The following CDK14 variants were observed in gnomAD, a reference collection of about 807,000 sequenced individuals.
CDK14 encodes the protein cyclin-dependent kinase 14.
A neutral mutation model predicts 60.7 loss-of-function variants in CDK14; 34 were observed. The ratio of observed to expected loss-of-function variants is 0.56; its 90% CI spans 0.43 to 0.75. The LOEUF is 0.75. Ranked by LOEUF, CDK14 falls within the 30% of genes least tolerant of loss-of-function variation. The pLI is 0.00. For missense variants in CDK14, 482 were observed against 564.1 expected (o/e 0.85, Z 1.47); for synonymous variants, 197 against 203.7 (o/e 0.97, Z 0.28).
At chr7:90,868,658 A>G (rs544946437) in intron 6 of CDK14, among the ~76,000 whole-genome samples, 2 of 152,310 alleles carry the variant, frequency 1.3e-5, no homozygotes, top group Non-Finnish European at 2.9e-5. Context: ...GAAATCATAA[A>G]GCCCATAAAA....
chr7:90,758,391 A>G (rs1489116059), intron 4 of CDK14, among the ~76,000 whole-genome samples: 1 of 152,130 alleles, frequency 6.6e-6, no homozygotes, highest in Non-Finnish European at 1.5e-5. Flanking sequence ...TCTCTCTTCT[A>G]AATTCCTGTA....
At chr7:91,134,372 G>A (rs1800208221) in intron 14 of CDK14, among the ~76,000 whole-genome samples, 1 of 152,082 alleles carries the variant, frequency 6.6e-6, no homozygotes, top group African/African-American at 2.4e-5. Context: ...CTACCTGCAA[G>A]AACATGCTAC....
chr7:91,086,176 C>T (rs988185586), intron 12 of CDK14, among the ~76,000 whole-genome samples: 83 of 152,280 alleles, frequency 5.5e-4, no homozygotes, highest in African/African-American at 2.0e-3. Context: ...AGAGATCTTG[C>T]TTTTTATTTT....
intron 6 of CDK14, among the ~76,000 whole-genome samples, chr7:90,866,607 T>A (rs960908201): frequency 1.2e-4 from 18 of 152,186 alleles, no homozygotes; most frequent in African/African-American, 4.1e-4. Flanking sequence ...CCTATGTAAT[T>A]CAAGTTTTAC....
At chr7:90,980,733 A>G (rs944840401) in intron 9 of CDK14, among the ~76,000 whole-genome samples, 7 of 152,182 alleles carry the variant, frequency 4.6e-5, no homozygotes, top group African/African-American at 1.7e-4. Flanking sequence ...AGATGACGTC[A>G]TAGGAAACAT....
chr7:91,111,466 G>A (rs1055340760), intron 12 of CDK14, among the ~76,000 whole-genome samples: 42 of 152,174 alleles, frequency 2.8e-4, no homozygotes, highest in Non-Finnish European at 2.9e-4. Flanking sequence ...CCGGGTTTCA[G>A]AAACTGGAGA....
In CDK14 at chr7:91,127,319, A is replaced by G. The variant is rs538891284; in HGVS notation, c.*28+9111A>G. On this transcript the variant is annotated intron_variant, in intron 14 of 14. Transcript: ENST00000380050. ...ACTGTGGAAATGATCAGGTCATGTT[A>G]CATTAATTAAAGCTGACATACTCTC... Among the ~76,000 whole-genome samples, 8 of 152,290 alleles carry G rather than the reference A, an allele frequency of 5.3e-5. No individual in the cohort carries two copies. In the South Asian group the frequency reaches 1.0e-3, roughly 20 times the overall value.
chr7:90,678,719 C>T (rs1164102455), intron 2 of CDK14, among the ~76,000 whole-genome samples: 1 of 151,924 alleles, frequency 6.6e-6, no homozygotes, highest in Non-Finnish European at 1.5e-5. Context: ...ACCATATAAA[C>T]TCAGAAATCA....
intron 10 of CDK14, among the ~76,000 whole-genome samples, chr7:91,009,118 CT>C (rs1485368927): frequency 3.3e-5 from 5 of 152,046 alleles, no homozygotes; most frequent in Non-Finnish European, 5.9e-5. Flanking sequence ...CATAAGTTAT[CT>C]ACTTTTGATT....
At chr7:90,635,865 G>C (rs1463118097) in intron 2 of CDK14, among the ~76,000 whole-genome samples, 1 of 151,780 alleles carries the variant, frequency 6.6e-6, no homozygotes, top group Non-Finnish European at 1.5e-5. Flanking sequence ...TTGTAAGTTG[G>C]ATTCCTAGAT....
intron 5 of CDK14, among the ~76,000 whole-genome samples, chr7:90,809,129 C>T (rs1788985533): frequency 6.6e-6 from 1 of 152,178 alleles, no homozygotes; most frequent in African/African-American, 2.4e-5. Flanking sequence ...ACCTAATAGA[C>T]ATCTACAGAA....
chr7:91,208,457 T>A lies in CDK14; in HGVS notation c.*1321T>A, dbSNP rs1466545179. Reference sequence around the variant, plus strand: ...GGCCTCGCTGCAGAATGCCCAGTAGTACTGCGGCCAAGGGGACAGTTAGGA... The same window carrying A: ...GGCCTCGCTGCAGAATGCCCAGTAGAACTGCGGCCAAGGGGACAGTTAGGA... On this transcript the variant is annotated 3_prime_UTR_variant, in exon 15 of 15. Coordinates refer to ENST00000380050, the MANE Select transcript of CDK14 (RefSeq NM_001287135.2). The A allele has an allele frequency of 6.6e-6, 1 of 152,462 alleles. No homozygotes were observed. 9.4% of individuals were successfully genotyped at this position (152,462 alleles called of 1,614,324 possible).
chr7:90,750,200 AC>A lies in CDK14; in HGVS notation c.464+2427del, dbSNP rs1329222643. On this transcript the variant is annotated intron_variant, in intron 4 of 14. Transcript: ENST00000380050. ...CACACACACACACACACACACACAC[AC>A]CAATAATATTACAGAGAAAGAAAAA... 1.4e-3 allele frequency among the ~76,000 whole-genome samples: 125 copies of A among 87,630 alleles called. 1 individual carries two copies. The highest frequency in any genetic ancestry group is 5.2e-3 in the African/African-American group (117 of 22,498). The allele number at this position is 87,630 out of a possible 152,430, so 57.5% of individuals were successfully genotyped here.
rs564351168 is a variant in CDK14, at chr7:90,942,694, A to G, written c.827-13003A>G. On this transcript the variant is annotated intron_variant, in intron 8 of 14. Transcript: ENST00000380050. ...CCTGAGTCAGTAAACATCTTCCTCA[A>G]AGAAGCCACAGAGCCTCAGAAACAT... is the stretch of plus-strand genomic sequence containing the variant. Among the ~76,000 whole-genome samples the G allele has an allele frequency of 1.1e-4, 16 of 152,290 alleles. No individual in the cohort carries two copies. The East Asian group carries it at 2.7e-3, about 26-fold the overall frequency.
At chr7:90,822,495 T>G (rs575695281) in intron 5 of CDK14, among the ~76,000 whole-genome samples, 1 of 152,178 alleles carries the variant, frequency 6.6e-6, no homozygotes, top group Non-Finnish European at 1.5e-5. Context: ...TTCTCTGTGA[T>G]TCCAGCCCAC....
intron 2 of CDK14, among the ~76,000 whole-genome samples, chr7:90,715,037 C>A (rs1267900578): frequency 5.3e-5 from 8 of 152,058 alleles, no homozygotes; most frequent in Non-Finnish European, 8.8e-5. Context: ...CCTAAAGGAT[C>A]AGTCATATCT....
chr7:90,999,232 A>G (rs899836551), intron 10 of CDK14, among the ~76,000 whole-genome samples: 11 of 152,060 alleles, frequency 7.2e-5, no homozygotes, highest in African/African-American at 2.7e-4. Flanking sequence ...AAAATAAGCA[A>G]ATGCCAGGCT....
At chr7:90,870,702 C>T (rs562415611) in intron 6 of CDK14, among the ~76,000 whole-genome samples, 1 of 152,102 alleles carries the variant, frequency 6.6e-6, no homozygotes, top group Non-Finnish European at 1.5e-5. Context: ...ATTCATGGAA[C>T]CATTGTTTAT....
At chr7:91,053,816 C>G (rs945847331) in intron 11 of CDK14, among the ~76,000 whole-genome samples, 4 of 152,114 alleles carry the variant, frequency 2.6e-5, no homozygotes, top group Admixed American at 2.6e-4. Flanking sequence ...CGGGGGGGCT[C>G]TTTGTGCCAT....
Sources: gnomAD v4.1 joint callset for allele counts (sites outside exome capture counted in the v4.1 genomes callset) on GRCh38, gnomAD v4.1.1 for gene constraint, MANE v1.5 for transcripts, NCBI Gene and HGNC (gene_info 2026-07-23, HGNC 2026-07-21) for gene names.